The following NRXN3 variants were observed in gnomAD, a reference collection of about 807,000 sequenced individuals.
The protein encoded by NRXN3 is neurexin III.
A neutral mutation model predicts 137.6 loss-of-function variants in NRXN3; 32 were observed. That is an observed-to-expected ratio of 0.23 (90% CI 0.18 to 0.31). NRXN3 has a LOEUF of 0.31. Among genes scored for constraint, NRXN3 ranks in the 10% least tolerant of loss-of-function variants. The probability of loss-of-function intolerance (pLI) is 1.00; values close to 1 mark genes in which losing one functional copy is unlikely to be tolerated. For missense variants in NRXN3, 1,574 were observed against 2,062.5 expected (o/e 0.76, Z 4.59); for synonymous variants, 798 against 784.5 (o/e 1.02, Z -0.29).
chr14:78,686,634 G>A (rs537515329), intron 6 of NRXN3, among the ~76,000 whole-genome samples: 61 of 152,264 alleles, frequency 4.0e-4, no homozygotes, highest in African/African-American at 1.3e-3. Flanking sequence ...GCATGCTTCC[G>A]TGTTTATATA....
At chr14:79,296,404 T>A (rs2084132043) in intron 15 of NRXN3, among the ~76,000 whole-genome samples, 2 of 151,972 alleles carry the variant, frequency 1.3e-5, no homozygotes, top group African/African-American at 4.8e-5. Flanking sequence ...TTTTGAAGAA[T>A]TATTTCCACA....
chr14:79,852,762 C>T (rs1339778743), intron 20 of NRXN3, among the ~76,000 whole-genome samples: 1 of 152,010 alleles, frequency 6.6e-6, no homozygotes, highest in African/African-American at 2.4e-5. Flanking sequence ...CAAGCCTGTG[C>T]GTCTGGTTGT....
At chr14:78,474,507 A>ATCATTCAGTGGTAGCT (rs6145400) in intron 4 of NRXN3, among the ~76,000 whole-genome samples, 2 of 152,136 alleles carry the variant, frequency 1.3e-5, no homozygotes, top group Non-Finnish European at 2.9e-5. Flanking sequence ...GGCTCAACTT[A>ATCATTCAGTGGTAGCT]TCAAGTTATG....
At chr14:79,130,532 T>C (rs1315321468) in intron 15 of NRXN3, among the ~76,000 whole-genome samples, 3 of 152,148 alleles carry the variant, frequency 2.0e-5, no homozygotes, top group African/African-American at 7.2e-5. Flanking sequence ...CTTGTAGAGT[T>C]TCTGCCGAGA....
intron 15 of NRXN3, among the ~76,000 whole-genome samples, chr14:79,207,618 C>T (rs1027789145): frequency 2.0e-5 from 3 of 152,078 alleles, no homozygotes; most frequent in Admixed American, 6.6e-5. Context: ...AAATTGCCAC[C>T]GGAATGTACC....
intron 16 of NRXN3, among the ~76,000 whole-genome samples, chr14:79,514,269 G>A (rs2096961262): frequency 6.6e-6 from 1 of 150,426 alleles, no homozygotes; most frequent in Non-Finnish European, 1.5e-5. Context: ...TCGTTCTTGG[G>A]GCAGTAGAAA....
At chr14:79,131,648 C>T (rs2057496415) in intron 15 of NRXN3, among the ~76,000 whole-genome samples, 1 of 152,202 alleles carries the variant, frequency 6.6e-6, no homozygotes, top group Non-Finnish European at 1.5e-5. Context: ...TGTGCCCTGC[C>T]CCCAGAGGTG....
chr14:78,490,205 ACCCGGCC>A (rs2095640866), intron 4 of NRXN3, among the ~76,000 whole-genome samples: 1 of 25,474 alleles, frequency 3.9e-5, no homozygotes, highest in African/African-American at 2.0e-4. Context: ...GATCCACCAC[ACCCGGCC>A]TCCCAAAGTG....
Position 78,714,966 on chromosome 14 carries a change from G to A in NRXN3, c.1871G>A (p.Arg624Gln), listed in dbSNP as rs2098424794. 2 of 1,614,014 alleles carry A rather than the reference G, an allele frequency of 1.2e-6. No individual in the cohort carries two copies. The highest frequency in any genetic ancestry group is 1.7e-6 in the Non-Finnish European group (2 of 1,180,026). ...ATTGATGGGCGCAGCAAGAACATTC[G>A]ACAGCTGGCAGAGATGCAGAATGCT... ...LFIDGRSKNI[R>Q]QLAEMQNAAG... The change falls in exon 8 of 21, where the codon CGA becomes CAA. Residue 624 changes from arginine to glutamine, a missense_variant. By Grantham distance (43) the Arg-to-Gln change is conservative. Transcript: ENST00000335750.
intron 15 of NRXN3, among the ~76,000 whole-genome samples, chr14:79,334,248 A>G (rs1219993050): frequency 6.6e-6 from 1 of 152,222 alleles, no homozygotes; most frequent in Non-Finnish European, 1.5e-5. Context: ...AAAATAAAGT[A>G]GAATGAGGTG....
At chr14:79,279,743 T>C in intron 15 of NRXN3, 1 of 987,616 alleles carries the variant, frequency 1.0e-6, no homozygotes, top group Non-Finnish European at 1.2e-6. Context: ...CCCGAAGAAC[T>C]CTTCCACCTG....
intron 8 of NRXN3, among the ~76,000 whole-genome samples, chr14:78,790,826 T>C (rs570602541): frequency 6.6e-6 from 1 of 152,302 alleles, no homozygotes; most frequent in East Asian, 1.9e-4. Context: ...GGAATGAACG[T>C]CAGCTTGATA....
At chr14:78,191,506 T>G (rs1016445429) in intron 1 of NRXN3, among the ~76,000 whole-genome samples, 1 of 152,196 alleles carries the variant, frequency 6.6e-6, no homozygotes, top group Non-Finnish European at 1.5e-5. Context: ...GGCTGAGACC[T>G]TCCCAGGGAG....
At chr14:79,521,345 T>C (rs543966099) in intron 16 of NRXN3, among the ~76,000 whole-genome samples, 1 of 152,180 alleles carries the variant, frequency 6.6e-6, no homozygotes, top group Non-Finnish European at 1.5e-5. Context: ...TAATGTATTA[T>C]ATTTTTAGTG....
chr14:78,947,880 A>C (rs1473646533), intron 10 of NRXN3, among the ~76,000 whole-genome samples: 1 of 152,228 alleles, frequency 6.6e-6, no homozygotes. Flanking sequence ...GAAGCAATCT[A>C]TCTGTGGAAT....
intron 4 of NRXN3, among the ~76,000 whole-genome samples, chr14:78,586,318 A>C (rs1239374239): frequency 6.6e-6 from 1 of 152,164 alleles, no homozygotes; most frequent in Non-Finnish European, 1.5e-5. Flanking sequence ...GAAGCTGAGA[A>C]GGAATAGCCA....
intron 2 of NRXN3, among the ~76,000 whole-genome samples, chr14:78,276,804 A>T (rs540028515): frequency 6.6e-6 from 1 of 152,304 alleles, no homozygotes; most frequent in African/African-American, 2.4e-5. Context: ...TGTATGAACA[A>T]TGGTGTTGAC....
At chr14:79,560,449 AT>A (rs376196572) in intron 16 of NRXN3, among the ~76,000 whole-genome samples, 29 of 145,222 alleles carry the variant, frequency 2.0e-4, no homozygotes, top group African/African-American at 7.0e-4. Flanking sequence ...TCTGGAAGCC[AT>A]TTTGACACCT....
chr14:79,594,788 A>T (rs1043859358), intron 16 of NRXN3, among the ~76,000 whole-genome samples: 1 of 152,184 alleles, frequency 6.6e-6, no homozygotes, highest in South Asian at 2.1e-4. Context: ...GGGGGTTTGC[A>T]TAACAAATGA....
Sources: allele counts gnomAD v4.1 joint callset (sites outside exome capture counted in the v4.1 genomes callset), GRCh38; gene constraint gnomAD v4.1.1; transcripts MANE v1.5; gene names NCBI Gene and HGNC (gene_info 2026-07-23, HGNC 2026-07-21).